Variants in DLGAP5 observed in about 807,000 individuals in gnomAD.
DLGAP5 encodes DLG associated protein 5.
A neutral mutation model predicts 99.6 loss-of-function variants in DLGAP5; 90 were observed. The observed-to-expected ratio is 0.90, with a 90% CI of 0.76 to 1.08. DLGAP5 has a LOEUF of 1.08. Ranked by LOEUF, DLGAP5 falls within the 50% of genes least tolerant of loss-of-function variation. DLGAP5 has a pLI of 0.00. For missense variants in DLGAP5, 1,036 were observed against 983.5 expected (o/e 1.05, Z -0.71); for synonymous variants, 311 against 321.3 (o/e 0.97, Z 0.34).
chr14:55,163,078 G>A lies in DLGAP5; in HGVS notation c.1549-3C>T. The A allele has an allele frequency of 6.4e-7, 1 of 1,566,070 alleles. No homozygotes were observed. The highest frequency in any genetic ancestry group is 8.7e-7 in the Non-Finnish European group (1 of 1,151,234). On this transcript the variant is annotated splice_polypyrimidine_tract_variant and splice_region_variant and intron_variant, in intron 12 of 18. Coordinates refer to ENST00000247191, the MANE Select transcript of DLGAP5 (RefSeq NM_014750.5). Reference sequence around the variant, plus strand: ...AATTTGTGGATTACATCTTCTATCTGTTAATAAAGCACAAGTTTACCAGAT... The same window carrying A: ...AATTTGTGGATTACATCTTCTATCTATTAATAAAGCACAAGTTTACCAGAT...
chr14:55,189,328 GAGA>G (rs1368415945), intron 1 of DLGAP5, 148 bp from the exon 2 acceptor site: 59 of 687,048 alleles, frequency 8.6e-5, no homozygotes, highest in Middle Eastern at 7.7e-4. Flanking sequence ...ACTGAAAAGT[GAGA>G]AGAAGATTAT....
At chr14:55,177,636 C>G (rs1346589477) in intron 7 of DLGAP5, among the ~76,000 whole-genome samples, 1 of 151,556 alleles carries the variant, frequency 6.6e-6, no homozygotes, top group South Asian at 2.1e-4. Context: ...CTCCCGGGTT[C>G]ACGCCATTCT....
chr14:55,170,785 T>G lies in DLGAP5; in HGVS notation c.1304A>C (p.Asn435Thr). 6.2e-7 allele frequency: 1 copy of G among 1,612,848 alleles called. No homozygotes were observed. Among genetic ancestry groups the G allele is most frequent in the Non-Finnish European group, 8.5e-7 (1 of 1,179,018 alleles). The change falls in exon 11 of 19, where the codon AAT becomes ACT. Residue 435 changes from asparagine (N) to threonine (T), a missense_variant and splice_region_variant. Coordinates refer to ENST00000247191, the MANE Select transcript of DLGAP5 (RefSeq NM_014750.5). ...QPHHGVPYFR[N>T]ILQSETEKLT... ...TTTCTCAGTTTCTGACTGGAGGATA[T>G]TTCTAAAATTATGACATACATTTCA...
At chr14:55,150,973 C>T (rs1405500308) in intron 17 of DLGAP5, 125 bp from the exon 18 acceptor site, 1 of 589,004 alleles carries the variant, frequency 1.7e-6, no homozygotes, top group Admixed American at 3.9e-5. Flanking sequence ...AAATATAGAC[C>T]CCTATGCTAT....
chr14:55,179,680 C>T lies in DLGAP5; in HGVS notation c.723G>A (p.Lys241=). ...TGGCAGGTCTTCCTTTACTTGGCAC[C>T]TTTCCTTCTGGTTCGTTTTCTAAAA... The part of the protein sequence containing the change: ...RAANENEPEG[K]VPSKGRPAKN... The change falls in exon 7 of 19, where the codon AAG becomes AAA. Residue 241 remains lysine, a synonymous_variant. Transcript: ENST00000247191. The T allele has an allele frequency of 2.5e-6, 4 of 1,611,280 alleles. 1 individual carries two copies. Among genetic ancestry groups the T allele is most frequent in the South Asian group, 1.1e-5 (1 of 90,152 alleles).
intron 17 of DLGAP5, 83 bp from the exon 18 acceptor site, chr14:55,150,931 T>G (rs962743456): frequency 1.1e-6 from 1 of 912,972 alleles, no homozygotes; most frequent in Non-Finnish European, 1.6e-6. Context: ...ATGAAAAATA[T>G]GAAAAGTTCC....
intron 14 of DLGAP5, among the ~76,000 whole-genome samples, chr14:55,155,082 G>C (rs1424921588): frequency 6.6e-6 from 1 of 152,168 alleles, no homozygotes; most frequent in African/African-American, 2.4e-5. Flanking sequence ...GAGTGCAGTG[G>C]TGTGATCTCT....
At chr14:55,162,806 A>C (rs1882495615) in intron 13 of DLGAP5, among the ~76,000 whole-genome samples, 165 bp downstream of exon 13, 1 of 152,174 alleles carries the variant, frequency 6.6e-6, no homozygotes, top group Admixed American at 6.5e-5. Context: ...GTACACTCTA[A>C]GTAGTATAAA....
chr14:55,181,204 T>C lies in DLGAP5; in HGVS notation c.580+9A>G. ...TCAGAGGATTTATAGTAATTGCTAA[T>C]ATTCCTACCTTTTTTCTCTTTGTCT... On this transcript the variant is annotated intron_variant, in intron 5 of 18. Coordinates refer to ENST00000247191, the MANE Select transcript of DLGAP5 (RefSeq NM_014750.5). 3 of 1,612,148 alleles carry C rather than the reference T, an allele frequency of 1.9e-6. No homozygotes were observed. The highest frequency in any genetic ancestry group is 2.5e-6 in the Non-Finnish European group (3 of 1,179,046).
chr14:55,157,322 T>C (rs1265509817), intron 14 of DLGAP5, among the ~76,000 whole-genome samples: 2 of 152,336 alleles, frequency 1.3e-5, no homozygotes, highest in East Asian at 3.9e-4. Flanking sequence ...AGTAGTAGAA[T>C]GGAGTCATGT....
In DLGAP5 at chr14:55,148,188, T is replaced by G. The variant is rs890038915; in HGVS notation, c.*163A>C. On this transcript the variant is annotated 3_prime_UTR_variant, in exon 19 of 19. Transcript: ENST00000247191. ...AATGTACAAAATATCCCCACTTCCCTTGAGAAAGAGTATATCTAAAATACA... is the reference window on the plus strand; with the variant it reads ...AATGTACAAAATATCCCCACTTCCCGTGAGAAAGAGTATATCTAAAATACA... 1 of 708,916 alleles carries G rather than the reference T, an allele frequency of 1.4e-6. No individual in the cohort carries two copies. 43.9% of individuals were successfully genotyped at this position (708,916 alleles called of 1,614,324 possible).
At chr14:55,188,911 G>T (rs1303508463) in intron 2 of DLGAP5, 31 bp downstream of exon 2, 2 of 1,560,970 alleles carry the variant, frequency 1.3e-6, no homozygotes, top group African/African-American at 1.4e-5. Context: ...ACTCTTCAAA[G>T]TACTTAAAAT....
At chr14:55,160,134 C>T (rs1412827467) in intron 13 of DLGAP5, among the ~76,000 whole-genome samples, 12 of 152,032 alleles carry the variant, frequency 7.9e-5, no homozygotes, top group Admixed American at 2.0e-4. Flanking sequence ...ACCTGGGAGG[C>T]TGAGGTTACA....
At position 55,151,930 on chromosome 14, in the gene DLGAP5, C is replaced by T. The variant is rs765086030; in HGVS notation, c.2133G>A (p.Lys711=). 1 of 1,611,282 alleles carries T rather than the reference C, an allele frequency of 6.2e-7. No individual in the cohort carries two copies. The highest frequency in any genetic ancestry group is 8.5e-7 in the Non-Finnish European group (1 of 1,179,198). ...ATAAACAATCCACCTTCAAGTCTGTCTTATTTACAACCTGGAAGTAAAAAT... is the reference window on the plus strand; with the variant it reads ...ATAAACAATCCACCTTCAAGTCTGTTTTATTTACAACCTGGAAGTAAAAAT... The part of the protein sequence containing the change: ...DLIEENHVVN[K]TDLKVDCLSS... The change falls in exon 17 of 19, where the codon AAG becomes AAA. Residue 711 remains lysine (K), a synonymous_variant. Coordinates refer to ENST00000247191, the MANE Select transcript of DLGAP5 (RefSeq NM_014750.5).
chr14:55,169,879 A>G (rs1489754014), intron 11 of DLGAP5, among the ~76,000 whole-genome samples: 2 of 152,174 alleles, frequency 1.3e-5, no homozygotes, highest in African/African-American at 4.8e-5. Context: ...TCATGCCTAC[A>G]ATCCCAGCAC....
chr14:55,157,468 C>T (rs191334569), intron 14 of DLGAP5, among the ~76,000 whole-genome samples: 11 of 152,146 alleles, frequency 7.2e-5, no homozygotes, highest in African/African-American at 2.7e-4. Flanking sequence ...TATCAGATAG[C>T]AGGTATTAGA....
rs1385527158 is a variant in DLGAP5 at position 55,180,713 on chromosome 14, C to A, written c.646G>T (p.Val216Phe). ...GTGGTAGATGAGACTGTTCTGGGAA[C>A]CTGCTTTGCTGCTTGAGTAGCTGAT... ...TRSATQAAKQVPRTVSSTTAR... is the reference protein window; with the variant it reads ...TRSATQAAKQFPRTVSSTTAR... The change falls in exon 6 of 19, where the codon GTT becomes TTT. Residue 216 changes from valine (V) to phenylalanine (F), a missense_variant. By Grantham distance (50) the Val-to-Phe change is conservative. Transcript: ENST00000247191. 2.5e-6 allele frequency: 4 copies of A among 1,614,168 alleles called. No individual in the cohort carries two copies. In the East Asian group the frequency reaches 8.9e-5, roughly 36 times the overall value.
intron 2 of DLGAP5, 141 bp downstream of exon 2, chr14:55,188,801 A>AT: frequency 5.7e-6 from 3 of 525,598 alleles, no homozygotes; most frequent in East Asian, 3.6e-5. Context: ...AAAAAAAAAA[A>AT]GGAAAAAGAC....
chr14:55,150,382 G>A (rs1881976123), intron 18 of DLGAP5: 2 of 157,876 alleles, frequency 1.3e-5, no homozygotes, highest in African/African-American at 4.8e-5. Flanking sequence ...AGATTTAGAG[G>A]CAAGAGGTCA....
Sources: gnomAD v4.1 joint callset for allele counts (sites outside exome capture counted in the v4.1 genomes callset) on GRCh38, gnomAD v4.1.1 for gene constraint, MANE v1.5 for transcripts, NCBI Gene and HGNC (gene_info 2026-07-23, HGNC 2026-07-21) for gene names.